RIMS2: variants seen among roughly 807,000 people sequenced by gnomAD.
RIMS2 encodes the protein regulating synaptic membrane exocytosis protein 2.
In RIMS2, 59 loss-of-function variants were observed where a neutral mutation model predicts 174.4. The ratio of observed to expected loss-of-function variants is 0.34; its 90% CI spans 0.27 to 0.42. The LOEUF is 0.42. Among genes scored for constraint, RIMS2 ranks in the 10% least tolerant of loss-of-function variants. The pLI is 1.00. For missense variants in RIMS2, 1,620 were observed against 1,666.3 expected (o/e 0.97, Z 0.48); for synonymous variants, 606 against 572.5 (o/e 1.06, Z -0.84).
At chr8:103,639,289 T>C (rs2096169861) in intron 1 of RIMS2, among the ~76,000 whole-genome samples, 1 of 151,978 alleles carries the variant, frequency 6.6e-6, no homozygotes, top group East Asian at 1.9e-4. Flanking sequence ...TTTGTCACAC[T>C]TTGTATTCCT....
Position 103,885,780 on chromosome 8 carries a change from A to C in RIMS2, c.1181A>C (p.Gln394Pro), listed in dbSNP as rs377106907. Residue 394 changes from glutamine to proline, a missense_variant, in exon 4 of 24, where the codon CAA (glutamine) becomes CCA (proline). Gln to Pro is a moderately conservative substitution (Grantham distance 76). Coordinates refer to ENST00000504942, the Ensembl canonical transcript of RIMS2. Reference sequence around the variant, plus strand: ...CTAAGGATGGATCGACCATCAAGGCAAAGATCTATATCAGAACGTAGAGCT... The same window carrying C: ...CTAAGGATGGATCGACCATCAAGGCCAAGATCTATATCAGAACGTAGAGCT... 39 of 1,613,000 alleles carry C rather than the reference A, an allele frequency of 2.4e-5. No homozygotes were observed. In the African/African-American group the frequency reaches 4.7e-4, roughly 19 times the overall value.
chr8:104,144,676 A>G (rs929042960), intron 19 of RIMS2, among the ~76,000 whole-genome samples: 7 of 152,092 alleles, frequency 4.6e-5, no homozygotes, highest in Non-Finnish European at 8.8e-5. Context: ...GGCTACATAC[A>G]TTTATATTTT....
At chr8:103,653,111 A>G (rs2135886768) in intron 1 of RIMS2, among the ~76,000 whole-genome samples, 1 of 152,298 alleles carries the variant, frequency 6.6e-6, no homozygotes, top group East Asian at 1.9e-4. Flanking sequence ...AGGTTAAGCA[A>G]GTTTCTTTAT....
intron 3 of RIMS2, among the ~76,000 whole-genome samples, chr8:103,883,811 C>T (rs1473521962): frequency 6.6e-6 from 1 of 151,724 alleles, no homozygotes; most frequent in Non-Finnish European, 1.5e-5. Flanking sequence ...CTTAGTGGCT[C>T]CTGGGCAAAC....
chr8:104,081,229 G>A lies in RIMS2; in HGVS notation c.3334+66614G>A, dbSNP rs577291447. 2.6e-5 allele frequency among the ~76,000 whole-genome samples: 4 copies of A among 151,982 alleles called. No individual in the cohort carries two copies. In the East Asian group the frequency reaches 7.7e-4, roughly 29 times the overall value. Reference sequence around the variant, plus strand: ...CCAGGGTCCAGTCACATAAGAACATGTTACTTCTTAAGCCCTTTTCGATTT... The same window carrying A: ...CCAGGGTCCAGTCACATAAGAACATATTACTTCTTAAGCCCTTTTCGATTT... On this transcript the variant is annotated intron_variant, in intron 19 of 23. Transcript: ENST00000504942.
chr8:103,850,433 A>ATTTCC (rs2154492564), intron 3 of RIMS2, among the ~76,000 whole-genome samples: 1 of 152,088 alleles, frequency 6.6e-6, no homozygotes, highest in East Asian at 1.9e-4. Context: ...AGCTCAGTAG[A>ATTTCC]TTTCCTCTGG....
At chr8:103,784,378 C>CTTCTAGGG (rs2098420951) in intron 3 of RIMS2, among the ~76,000 whole-genome samples, 1 of 150,046 alleles carries the variant, frequency 6.7e-6, no homozygotes. Flanking sequence ...CCTAGGTTTT[C>CTTCTAGGG]TTCTAGGGTT....
chr8:104,145,712 A>AATAAATAAATAAATTC (rs1387254641), intron 19 of RIMS2, among the ~76,000 whole-genome samples: 2 of 151,010 alleles, frequency 1.3e-5, no homozygotes, highest in African/African-American at 4.9e-5. Flanking sequence ...TAAATAAATA[A>AATAAATAAATAAATTC]ATTCGCCGGA....
chr8:103,819,360 C>T (rs1276899770), intron 3 of RIMS2: 2 of 1,526,748 alleles, frequency 1.3e-6, no homozygotes, highest in Non-Finnish European at 1.7e-6. Context: ...AACTATCAAC[C>T]TCTGTTCATT....
At chr8:103,780,300 A>G (rs1295858785) in intron 3 of RIMS2, among the ~76,000 whole-genome samples, 1 of 152,124 alleles carries the variant, frequency 6.6e-6, no homozygotes, top group Non-Finnish European at 1.5e-5. Context: ...CAAGTTTTGG[A>G]AAAATTTCAA....
At chr8:104,091,060 A>G (rs1438591412) in intron 19 of RIMS2, among the ~76,000 whole-genome samples, 6 of 151,872 alleles carry the variant, frequency 4.0e-5, no homozygotes, top group Admixed American at 2.0e-4. Flanking sequence ...TAATCCTTGC[A>G]GCAAGCCTTG....
chr8:103,936,654 C>T lies in RIMS2; in HGVS notation c.2479C>T (p.Arg827Ter), dbSNP rs951108608. 3 of 1,611,530 alleles carry T rather than the reference C, an allele frequency of 1.9e-6. No individual in the cohort carries two copies. Among genetic ancestry groups the T allele is most frequent in the Non-Finnish European group, 2.5e-6 (3 of 1,178,786 alleles). The change falls in exon 13 of 24, where the codon CGA becomes TGA. Residue 827 changes from arginine (R) to a stop codon, truncating the protein, a stop_gained. Transcript: ENST00000504942. LOFTEE classifies it high-confidence loss of function. ...AGTCCACCGAAGAGAATTTCGGGAA[C>T]GAATGCTAGAGATTACCCTTTGGGA...
intron 20 of RIMS2, among the ~76,000 whole-genome samples, chr8:104,246,193 C>A (rs936192789): frequency 2.3e-4 from 35 of 152,132 alleles, no homozygotes; most frequent in Admixed American, 2.2e-3. Flanking sequence ...TATTACCATA[C>A]CTTCCAGTGG....
chr8:104,130,692 T>G (rs1297713791), intron 19 of RIMS2, among the ~76,000 whole-genome samples: 1 of 152,160 alleles, frequency 6.6e-6, no homozygotes, highest in Non-Finnish European at 1.5e-5. Flanking sequence ...AAATGTTATT[T>G]CAAAGTTTTT....
At chr8:103,625,284 G>A (rs1308492140) in intron 1 of RIMS2, among the ~76,000 whole-genome samples, 2 of 152,104 alleles carry the variant, frequency 1.3e-5, no homozygotes, top group East Asian at 3.9e-4. Context: ...GCACAAAGTT[G>A]AGGCACTTAA....
In RIMS2 at chr8:103,960,468, G is replaced by T. The variant is rs562319904; in HGVS notation, c.2702-597G>T. 2.6e-5 allele frequency among the ~76,000 whole-genome samples: 4 copies of T among 152,060 alleles called. No individual in the cohort carries two copies. The South Asian group carries it at 6.2e-4, about 24-fold the overall frequency. ...TATTGTGGATGACTTTTTTCTTATT[G>T]TCTTTTCAAAGCAATAGACAAATAG... On this transcript the variant is annotated intron_variant, in intron 14 of 23. Transcript: ENST00000504942.
chr8:103,804,857 T>G (rs188864297), intron 3 of RIMS2, among the ~76,000 whole-genome samples: 1 of 151,846 alleles, frequency 6.6e-6, no homozygotes, highest in Non-Finnish European at 1.5e-5. Flanking sequence ...AGTGCAGAGG[T>G]ACAGTCATAG....
chr8:103,660,691 G>C (rs189010241), intron 1 of RIMS2, among the ~76,000 whole-genome samples: 1 of 152,186 alleles, frequency 6.6e-6, no homozygotes, highest in African/African-American at 2.4e-5. Flanking sequence ...GTCTAACATA[G>C]ATAATCTTTA....
chr8:104,113,104 C>T (rs1290872003), intron 19 of RIMS2, among the ~76,000 whole-genome samples: 2 of 151,948 alleles, frequency 1.3e-5, no homozygotes, highest in Non-Finnish European at 2.9e-5. Flanking sequence ...AACCATAGGC[C>T]ATCATTGGAA....
Sources: allele counts gnomAD v4.1 joint callset (sites outside exome capture counted in the v4.1 genomes callset), GRCh38; gene constraint gnomAD v4.1.1; transcripts MANE v1.5; gene names NCBI Gene and HGNC (gene_info 2026-07-23, HGNC 2026-07-21).